TIGD7: variants seen among roughly 807,000 people sequenced by gnomAD.
The protein encoded by TIGD7 is tigger transposable element derived 7, also known as tigger transposable element-derived protein 7.
TIGD7 carries 26 observed loss-of-function variants against 24.8 expected under a neutral mutation model. That is an observed-to-expected ratio of 1.05 (90% confidence interval 0.77 to 1.45). The LOEUF (loss-of-function observed/expected upper bound fraction) is 1.45, where lower values mean the gene tolerates loss of function less well. Among genes scored for constraint, TIGD7 ranks in the 40% most tolerant of loss-of-function variants. The pLI is 0.00. For missense variants in TIGD7, 679 were observed against 641.6 expected (o/e 1.06, Z -0.63); for synonymous variants, 221 against 224.1 (o/e 0.99, Z 0.12).
rs1959941865 is a variant in TIGD7, at chr16:3,301,645, A to C, written c.-1031T>G. The C allele has an allele frequency of 6.0e-6, 1 of 166,256 alleles. No individual in the cohort carries two copies. Among genetic ancestry groups the C allele is most frequent in the Non-Finnish European group, 1.5e-5 (1 of 68,132 alleles). The allele number at this position is 166,256 out of a possible 1,614,324, so 10.3% of individuals were successfully genotyped here. The stretch of plus-strand genomic sequence containing the variant: ...TTTCACCATAGTTAAAAATTTTTAA[A>C]GATCTGTCCTTTCATTTGTTTTCCT... On this transcript the variant is annotated 5_prime_UTR_variant, in exon 2 of 2. Coordinates refer to ENST00000396862, the MANE Select transcript of TIGD7 (RefSeq NM_033208.4).
chr16:3,302,540 T>G (rs1195866428), intron 1 of TIGD7, among the ~76,000 whole-genome samples: 2 of 152,188 alleles, frequency 1.3e-5, no homozygotes, highest in Non-Finnish European at 2.9e-5. Flanking sequence ...TGGAGAAGAT[T>G]ACAAGAGAAT....
chr16:3,300,263 C>G lies in TIGD7; in HGVS notation c.352G>C (p.Asp118His). 6.2e-7 allele frequency: 1 copy of G among 1,614,222 alleles called. No individual in the cohort carries two copies. The highest frequency in any genetic ancestry group is 8.5e-7 in the Non-Finnish European group (1 of 1,180,044). ...AGCCAACCAGTGCTAGCTTTGAAAT[C>G]TGTTCGCCCAAAACACCGTGCAAAT... ...ERFARCFGRT[D>H]FKASTGWLFR... Residue 118 changes from aspartate (D) to histidine (H), a missense_variant, in exon 2 of 2, where the codon GAT (aspartate) becomes CAT (histidine). Physicochemically the swap from Asp to His is moderately conservative, Grantham distance 81. Transcript: ENST00000396862.
In TIGD7 at chr16:3,299,247, T is replaced by C. The variant is rs1420141130; in HGVS notation, c.1368A>G (p.Gly456=). The change falls in exon 2 of 2, where the codon GGA becomes GGG. Residue 456 remains glycine (G), a synonymous_variant. Coordinates refer to ENST00000396862, the MANE Select transcript of TIGD7 (RefSeq NM_033208.4). Reference sequence around the variant, plus strand: ...CTTTTTGAACAACTTCCTTTGTTATTCCACCTTTGGTTTTTAGGAGACAAC... The same window carrying C: ...CTTTTTGAACAACTTCCTTTGTTATCCCACCTTTGGTTTTTAGGAGACAAC... ...EKGCLLKTKG[G]ITKEVVQKGG... is the part of the protein sequence containing the mutation. 4.3e-6 allele frequency: 7 copies of C among 1,611,620 alleles called. No homozygotes were observed. The highest frequency in any genetic ancestry group is 5.9e-6 in the Non-Finnish European group (7 of 1,179,344).
At position 3,299,921 on chromosome 16, in the gene TIGD7, A is replaced by AT; in HGVS notation, c.693dup (p.Ser232IlefsTer19). 3 of 1,612,156 alleles carry AT rather than the reference A, an allele frequency of 1.9e-6. No homozygotes were observed. The highest frequency in any genetic ancestry group is 2.5e-6 in the Non-Finnish European group (3 of 1,179,158). Reference sequence around the variant, plus strand: ...TCTTTCACACTTTTGGGCAGTTTTGATTTTCCAATAATGATTGACTTTAAT... The same window carrying AT: ...TCTTTCACACTTTTGGGCAGTTTTGATTTTTCCAATAATGATTGACTTTAAT... On this transcript the variant is annotated frameshift_variant, in exon 2 of 2. Coordinates refer to ENST00000396862, the MANE Select transcript of TIGD7 (RefSeq NM_033208.4). LOFTEE classifies it high-confidence loss of function.
Position 3,300,303 on chromosome 16 carries a change from C to G in TIGD7, c.312G>C (p.Gln104His). ...AGVPVRGVELQAAAERFARCF... is the reference protein window; with the variant it reads ...AGVPVRGVELHAAAERFARCF... ...ACCGTGCAAATCTCTCTGCAGCAGC[C>G]TGAAGCTCCACGCCTCTTACCGGAA... Residue 104 changes from glutamine to histidine, a missense_variant, in exon 2 of 2, where the codon CAG (glutamine) becomes CAC (histidine). Coordinates refer to ENST00000396862, the MANE Select transcript of TIGD7 (RefSeq NM_033208.4). 1 of 1,614,228 alleles carries G rather than the reference C, an allele frequency of 6.2e-7. No homozygotes were observed. The highest frequency in any genetic ancestry group is 8.5e-7 in the Non-Finnish European group (1 of 1,180,040).
intron 1 of TIGD7, among the ~76,000 whole-genome samples, chr16:3,302,830 C>T (rs919792142): frequency 1.4e-5 from 2 of 145,798 alleles, no homozygotes; most frequent in African/African-American, 5.0e-5. Context: ...GCTGTGCCGT[C>T]GTCTTTTTTT....
Position 3,300,182 on chromosome 16 carries a change from C to T in TIGD7, c.433G>A (p.Val145Ile), listed in dbSNP as rs780165480. 6.2e-7 allele frequency: 1 copy of T among 1,614,230 alleles called. No individual in the cohort carries two copies. The highest frequency in any genetic ancestry group is 2.2e-5 in the East Asian group (1 of 44,884). The change falls in exon 2 of 2, where the codon GTC becomes ATC. Residue 145 changes from valine (V) to isoleucine (I), a missense_variant. Physicochemically the swap from Val to Ile is conservative, Grantham distance 29 (BLOSUM62 3). Transcript: ENST00000396862. ...IGNRKGCGEQ[V>I]LSSVSENVEP... ...ACATTTTCAGAAACTGAACTTAGGA[C>T]TTGTTCCCCACATCCTTTTCGGTTC...
chr16:3,300,275 A>T lies in TIGD7; in HGVS notation c.340T>A (p.Phe114Ile), dbSNP rs553358260. Residue 114 changes from phenylalanine (F) to isoleucine (I), a missense_variant, in exon 2 of 2, where the codon TTT becomes ATT. Coordinates refer to ENST00000396862, the MANE Select transcript of TIGD7 (RefSeq NM_033208.4). ...QAAAERFARC[F>I]GRTDFKASTG... is the part of the protein sequence containing the mutation. ...CTAGCTTTGAAATCTGTTCGCCCAA[A>T]ACACCGTGCAAATCTCTCTGCAGCA... The T allele has an allele frequency of 5.6e-6, 9 of 1,614,178 alleles. No individual in the cohort carries two copies. The East Asian group carries it at 2.0e-4, about 36-fold the overall frequency.
At position 3,299,739 on chromosome 16, in the gene TIGD7, C is replaced by G; in HGVS notation, c.876G>C (p.Leu292Phe). Residue 292 changes from leucine (L) to phenylalanine (F), a missense_variant, in exon 2 of 2, where the codon TTG becomes TTC. Physicochemically the swap from Leu to Phe is conservative, Grantham distance 22. Transcript: ENST00000396862. ...LRFHDEDVRA[L>F]LLLDSCPAHP... Reference sequence around the variant, plus strand: ...GAGCCGGGCAACTGTCCAGAAGTAACAATGCCCTGACGTCCTCGTCATGAA... The same window carrying G: ...GAGCCGGGCAACTGTCCAGAAGTAAGAATGCCCTGACGTCCTCGTCATGAA... The G allele has an allele frequency of 2.6e-6, 4 of 1,541,564 alleles. No individual in the cohort carries two copies. Among genetic ancestry groups the G allele is most frequent in the Non-Finnish European group, 3.5e-6 (4 of 1,148,976 alleles).
rs1227344157 is a variant in TIGD7, at chr16:3,300,660, A to T, written c.-46T>A. The T allele has an allele frequency of 6.6e-7, 1 of 1,523,040 alleles. No homozygotes were observed. Among genetic ancestry groups the T allele is most frequent in the Non-Finnish European group, 8.8e-7 (1 of 1,140,662 alleles). The allele number at this position is 1,523,040 out of a possible 1,614,324, so 94.3% of individuals were successfully genotyped here. ...ACCAACAGGAGAAAACAAAGGGAAAAGCCTTAATGAATTGGCAAAAAAAAA... is the reference window on the plus strand; with the variant it reads ...ACCAACAGGAGAAAACAAAGGGAAATGCCTTAATGAATTGGCAAAAAAAAA... On this transcript the variant is annotated 5_prime_UTR_variant, in exon 2 of 2. Coordinates refer to ENST00000396862, the MANE Select transcript of TIGD7 (RefSeq NM_033208.4).
At chr16:3,303,909 T>G (rs1960021733) in intron 1 of TIGD7, 1 of 152,380 alleles carries the variant, frequency 6.6e-6, no homozygotes. Flanking sequence ...CTCGGCTCAC[T>G]GCAAGCTCCG....
At chr16:3,303,223 G>A (rs1051936963) in intron 1 of TIGD7, among the ~76,000 whole-genome samples, 1 of 152,162 alleles carries the variant, frequency 6.6e-6, no homozygotes, top group Non-Finnish European at 1.5e-5. Context: ...GGCTTCAAAG[G>A]ATAAGCCACT....
rs189401493 is a variant in TIGD7, at chr16:3,304,125, C to T, written c.-1396+1087G>A. 3.2e-4 allele frequency among the ~76,000 whole-genome samples: 48 copies of T among 152,312 alleles called. 2 individuals are homozygous for T. The East Asian group carries it at 8.9e-3, about 28-fold the overall frequency. On this transcript the variant is annotated intron_variant, in intron 1 of 1. Coordinates refer to ENST00000396862, the MANE Select transcript of TIGD7 (RefSeq NM_033208.4). ...TGCTGGGATTACAGGCGTAAGCCAC[C>T]GCGCCCGGCCAGGATTTACTTTCTT...
At chr16:3,302,954 C>T (rs904104912) in intron 1 of TIGD7, among the ~76,000 whole-genome samples, 2 of 151,540 alleles carry the variant, frequency 1.3e-5, no homozygotes, top group African/African-American at 2.4e-5. Flanking sequence ...TCTCGTGCCT[C>T]AGCCTCCTAA....
Position 3,299,931 on chromosome 16 carries a change from A to T in TIGD7, c.684T>A (p.Ile228=). The change falls in exon 2 of 2, where the codon ATT becomes ATA. Residue 228 remains isoleucine, a synonymous_variant. Transcript: ENST00000396862. ...TTTTGGGCAGTTTTGATTTTCCAATAATGATTGACTTTAATTTATGAGTTC... is the reference window on the plus strand; with the variant it reads ...TTTTGGGCAGTTTTGATTTTCCAATTATGATTGACTTTAATTTATGAGTTC... ...ADGTHKLKSI[I]IGKSKLPKSV... is the part of the protein sequence containing the mutation. The T allele has an allele frequency of 6.2e-7, 1 of 1,612,796 alleles. No homozygotes were observed. The highest frequency in any genetic ancestry group is 8.5e-7 in the Non-Finnish European group (1 of 1,179,532).
Position 3,300,409 on chromosome 16 carries a change from C to T in TIGD7, c.206G>A (p.Arg69Lys). ...ATATTTGGCTCCCGTTGTCCTCTTT[C>T]TCTTCTCAGCCCCTACTAATGGCAT... The part of the protein sequence containing the change: ...QDMPLVGAEK[R>K]KRTTGAKYGD... The change falls in exon 2 of 2, where the codon AGA becomes AAA. Residue 69 changes from arginine (R) to lysine (K), a missense_variant. Transcript: ENST00000396862. The T allele has an allele frequency of 6.2e-7, 1 of 1,614,230 alleles. No homozygotes were observed. The highest frequency in any genetic ancestry group is 8.5e-7 in the Non-Finnish European group (1 of 1,180,046).
rs190210797 is a variant in TIGD7, at chr16:3,301,553, T to C, written c.-939A>G. The C allele has an allele frequency of 1.2e-5, 2 of 167,124 alleles. No individual in the cohort carries two copies. The highest frequency in any genetic ancestry group is 2.1e-4 in the South Asian group (1 of 4,830). The allele number at this position is 167,124 out of a possible 1,614,324, so 10.4% of individuals were successfully genotyped here. A position where few individuals can be genotyped will look rare whatever the true frequency, so the allele number is the denominator to read the frequency against. ...TATTTTTCACTGAAACTGTTCTCTA[T>C]TTGAGATATTATCAAGTTTCAGAAT... On this transcript the variant is annotated 5_prime_UTR_variant, in exon 2 of 2. Transcript: ENST00000396862.
In TIGD7 at chr16:3,300,496, GACTT is replaced by G; in HGVS notation, c.115_118del (p.Lys39GlnfsTer12). 6.2e-7 allele frequency: 1 copy of G among 1,613,838 alleles called. No individual in the cohort carries two copies. The highest frequency in any genetic ancestry group is 8.5e-7 in the Non-Finnish European group (1 of 1,179,988). On this transcript the variant is annotated frameshift_variant, in exon 2 of 2. Coordinates refer to ENST00000396862, the MANE Select transcript of TIGD7 (RefSeq NM_033208.4). LOFTEE classifies it high-confidence loss of function. ...ATTTTTTTTAATGTCATAAAATGTT[GACTT>G]ACTGATTCCAAATTCATCCATTACA...
chr16:3,300,189 C>T lies in TIGD7; in HGVS notation c.426G>A (p.Gly142=). The change falls in exon 2 of 2, where the codon GGG becomes GGA. Residue 142 remains glycine, a synonymous_variant. Transcript: ENST00000396862. ...RHAIGNRKGC[G]EQVLSSVSEN... is the part of the protein sequence containing the mutation. ...CAGAAACTGAACTTAGGACTTGTTC[C>T]CCACATCCTTTTCGGTTCCCAATTG... 2 of 1,614,184 alleles carry T rather than the reference C, an allele frequency of 1.2e-6. No homozygotes were observed. The highest frequency in any genetic ancestry group is 1.1e-5 in the South Asian group (1 of 91,080).
Sources: gnomAD v4.1 joint callset for allele counts (sites outside exome capture counted in the v4.1 genomes callset) on GRCh38, gnomAD v4.1.1 for gene constraint, MANE v1.5 for transcripts, NCBI Gene and HGNC (gene_info 2026-07-23, HGNC 2026-07-21) for gene names.